Variants in ST6GALNAC3 observed in about 807,000 individuals in gnomAD.
ST6GALNAC3 encodes the protein alpha-N-acetylgalactosaminide alpha-2,6-sialyltransferase 3.
ST6GALNAC3 carries 25 observed loss-of-function variants against 32.7 expected under a neutral mutation model. That is an observed-to-expected ratio of 0.76 (90% CI 0.56 to 1.07). The LOEUF (loss-of-function observed/expected upper bound fraction) is 1.07, where lower values mean the gene tolerates loss of function less well. ST6GALNAC3 is among the 50% of genes least tolerant of loss of function. ST6GALNAC3 has a pLI of 0.00. For synonymous variants in ST6GALNAC3, 129 were observed against 133.1 expected (o/e 0.97, Z 0.21); for missense variants, 355 against 382.4 (o/e 0.93, Z 0.60).
At chr1:76,320,445 C>T (rs1418539904) in intron 2 of ST6GALNAC3, among the ~76,000 whole-genome samples, 1 of 152,024 alleles carries the variant, frequency 6.6e-6, no homozygotes, top group East Asian at 1.9e-4. Flanking sequence ...CCCTACTGCC[C>T]TGCATACTAT....
intron 3 of ST6GALNAC3, among the ~76,000 whole-genome samples, chr1:76,454,571 G>C (rs1176781446): frequency 6.6e-6 from 1 of 152,062 alleles, no homozygotes; most frequent in Admixed American, 6.6e-5. Flanking sequence ...AAAATTCTTG[G>C]CTGATAGTTG....
At chr1:76,474,804 A>G (rs999909409) in intron 3 of ST6GALNAC3, among the ~76,000 whole-genome samples, 1 of 152,146 alleles carries the variant, frequency 6.6e-6, no homozygotes, top group South Asian at 2.1e-4. Flanking sequence ...ACTCTTGTGA[A>G]GAGAAAAAGC....
At chr1:76,126,738 C>T (rs753571976) in intron 1 of ST6GALNAC3, among the ~76,000 whole-genome samples, 3 of 152,082 alleles carry the variant, frequency 2.0e-5, no homozygotes, top group Non-Finnish European at 4.4e-5. Flanking sequence ...AATATAGGCA[C>T]GACCATTTCT....
At chr1:76,444,182 G>T (rs969869464) in intron 3 of ST6GALNAC3, among the ~76,000 whole-genome samples, 1 of 152,170 alleles carries the variant, frequency 6.6e-6, no homozygotes, top group Non-Finnish European at 1.5e-5. Context: ...GGCATGGCAG[G>T]CGGTCTTCCA....
rs146023472 is a variant in ST6GALNAC3 at position 76,271,366 on chromosome 1, A to G, written c.19-42439A>G. On this transcript the variant is annotated intron_variant, in intron 1 of 4. Transcript: ENST00000328299. The stretch of plus-strand genomic sequence containing the variant: ...TTATTCTAGGAGGGAGAAAAGAATT[A>G]TTGATAAGTTCATAATTATTCACAA... Among the ~76,000 whole-genome samples the G allele has an allele frequency of 7.9e-4, 121 of 152,324 alleles. 1 individual carries two copies. The highest frequency in any genetic ancestry group is 6.5e-3 in the Admixed American group (100 of 15,310).
At chr1:76,244,757 G>A (rs200749835) in intron 1 of ST6GALNAC3, among the ~76,000 whole-genome samples, 27 of 152,156 alleles carry the variant, frequency 1.8e-4, no homozygotes, top group Middle Eastern at 3.4e-3. Flanking sequence ...ATTGATTAGC[G>A]CATGTTGAAC....
intron 3 of ST6GALNAC3, among the ~76,000 whole-genome samples, chr1:76,443,777 A>G (rs1176633847): frequency 2.0e-5 from 3 of 152,228 alleles, no homozygotes; most frequent in African/African-American, 4.8e-5. Flanking sequence ...AGATATTATG[A>G]TAGAAAGTAG....
At chr1:76,345,781 A>G (rs1041122502) in intron 2 of ST6GALNAC3, among the ~76,000 whole-genome samples, 2 of 151,982 alleles carry the variant, frequency 1.3e-5, no homozygotes, top group Non-Finnish European at 2.9e-5. Flanking sequence ...GCCCCAGCTC[A>G]GACAGTATGC....
In ST6GALNAC3 at chr1:76,445,664, A is replaced by C. The variant is rs1443339792; in HGVS notation, c.623+33247A>C. On this transcript the variant is annotated intron_variant, in intron 3 of 4. Transcript: ENST00000328299. ...CATATATTTTGTGATATGGTATCTGATGGCTGCGTAGTATCTTACTGTGCC... is the reference window on the plus strand; with the variant it reads ...CATATATTTTGTGATATGGTATCTGCTGGCTGCGTAGTATCTTACTGTGCC... Among the ~76,000 whole-genome samples, 6 of 152,116 alleles carry C rather than the reference A, an allele frequency of 3.9e-5. No individual in the cohort carries two copies. The East Asian group carries it at 1.2e-3, about 29-fold the overall frequency.
intron 3 of ST6GALNAC3, among the ~76,000 whole-genome samples, chr1:76,480,667 G>T (rs1180927899): frequency 6.6e-6 from 1 of 151,988 alleles, no homozygotes; most frequent in Admixed American, 6.6e-5. Flanking sequence ...CCAAATATTA[G>T]ATCTTTGAAC....
At chr1:76,251,518 T>G (rs895832253) in intron 1 of ST6GALNAC3, among the ~76,000 whole-genome samples, 5 of 152,154 alleles carry the variant, frequency 3.3e-5, no homozygotes, top group Admixed American at 6.5e-5. Flanking sequence ...TGTTCTCTCC[T>G]CACATCATGG....
chr1:76,321,147 T>G (rs1646960392), intron 2 of ST6GALNAC3, among the ~76,000 whole-genome samples: 1 of 151,984 alleles, frequency 6.6e-6, no homozygotes, highest in African/African-American at 2.4e-5. Flanking sequence ...GGTTGAGGGG[T>G]GGGCTCATGG....
At position 76,313,845 on chromosome 1, in the gene ST6GALNAC3, T is replaced by A; in HGVS notation, c.59T>A (p.Leu20His). The part of the protein sequence containing the change: ...VIAVSFIAAF[L>H]FLLVVRLVNE... ...GCTGTGAGCTTCATAGCAGCGTTCCTTTTCCTGCTGGTTGTGCGTCTTGTA... is the reference window on the plus strand; with the variant it reads ...GCTGTGAGCTTCATAGCAGCGTTCCATTTCCTGCTGGTTGTGCGTCTTGTA... The change falls in exon 2 of 5, where the codon CTT becomes CAT. Residue 20 changes from leucine to histidine, a missense_variant. Physicochemically the swap from Leu to His is moderately conservative, Grantham distance 99 (BLOSUM62 -3). Coordinates refer to ENST00000328299, the MANE Select transcript of ST6GALNAC3 (RefSeq NM_152996.4). The A allele has an allele frequency of 6.2e-7, 1 of 1,613,622 alleles. No homozygotes were observed. Among genetic ancestry groups the A allele is most frequent in the Non-Finnish European group, 8.5e-7 (1 of 1,179,704 alleles).
intron 1 of ST6GALNAC3, among the ~76,000 whole-genome samples, chr1:76,102,325 T>C (rs1647261059): frequency 6.6e-6 from 1 of 152,042 alleles, no homozygotes; most frequent in Admixed American, 6.6e-5. Context: ...GATGTGTCTC[T>C]TGTATACAGC....
intron 2 of ST6GALNAC3, among the ~76,000 whole-genome samples, chr1:76,343,850 A>G (rs1648270202): frequency 6.6e-6 from 1 of 152,196 alleles, no homozygotes; most frequent in Non-Finnish European, 1.5e-5. Context: ...GCTAGTGAAA[A>G]AGAATTATAA....
intron 1 of ST6GALNAC3, among the ~76,000 whole-genome samples, chr1:76,204,296 C>A (rs1654700293): frequency 6.6e-6 from 1 of 152,148 alleles, no homozygotes; most frequent in Admixed American, 6.5e-5. Flanking sequence ...CATTGATGGG[C>A]ACTTAGGTTG....
At chr1:76,528,009 A>T (rs1663022204) in intron 3 of ST6GALNAC3, among the ~76,000 whole-genome samples, 1 of 152,158 alleles carries the variant, frequency 6.6e-6, no homozygotes, top group African/African-American at 2.4e-5. Context: ...CTTTTGAGTG[A>T]CTTACAGCAT....
At chr1:76,424,450 C>T (rs149707442) in intron 3 of ST6GALNAC3, among the ~76,000 whole-genome samples, 2 of 151,730 alleles carry the variant, frequency 1.3e-5, no homozygotes, top group Non-Finnish European at 2.9e-5. Flanking sequence ...TGCTGCCAAG[C>T]ACATTGTGGG....
intron 3 of ST6GALNAC3, among the ~76,000 whole-genome samples, chr1:76,552,336 T>C (rs1664687939): frequency 6.6e-6 from 1 of 152,212 alleles, no homozygotes; most frequent in Non-Finnish European, 1.5e-5. Flanking sequence ...TTGCAGGCTC[T>C]GAGCTGCTCC....
Sources: allele counts gnomAD v4.1 joint callset (sites outside exome capture counted in the v4.1 genomes callset), GRCh38; gene constraint gnomAD v4.1.1; transcripts MANE v1.5; gene names NCBI Gene and HGNC (gene_info 2026-07-23, HGNC 2026-07-21).